LUZP2: variants seen among roughly 807,000 people sequenced by gnomAD.
LUZP2 encodes leucine zipper protein 2.
In LUZP2, 52 loss-of-function variants were observed where a neutral mutation model predicts 51.6. The ratio of observed to expected loss-of-function variants is 1.01; its 90% CI spans 0.81 to 1.27. The LOEUF is 1.27. LUZP2 is among the 50% of genes most tolerant of loss of function. The pLI is 0.00. For synonymous variants in LUZP2, 154 were observed against 137.3 expected (o/e 1.12, Z -0.85); for missense variants, 436 against 395.4 (o/e 1.10, Z -0.87).
intron 5 of LUZP2, among the ~76,000 whole-genome samples, chr11:24,868,307 C>A (rs565448120): frequency 1.3e-5 from 2 of 150,286 alleles, no homozygotes; most frequent in African/African-American, 4.9e-5. Context: ...CAAACCTCAC[C>A]TCATTAGTTC....
chr11:24,724,803 A>C (rs1590402998), intron 1 of LUZP2, among the ~76,000 whole-genome samples: 1 of 152,338 alleles, frequency 6.6e-6, no homozygotes, highest in African/African-American at 2.4e-5. Context: ...GACAACTAAT[A>C]AAGATGTTCA....
At position 24,904,618 on chromosome 11, in the gene LUZP2, T is replaced by C. The variant is rs150195279; in HGVS notation, c.397-1373T>C. 7.2e-3 allele frequency among the ~76,000 whole-genome samples: 1,095 copies of C among 152,284 alleles called. 11 individuals carry two copies. The highest frequency in any genetic ancestry group is 0.025 in the African/African-American group (1,022 of 41,550). ...ATTTTTGATAAATCATATTATTTGCTTTTTGCTTTTGATTTGTGTTCTTGG... is the reference window on the plus strand; with the variant it reads ...ATTTTTGATAAATCATATTATTTGCCTTTTGCTTTTGATTTGTGTTCTTGG... On this transcript the variant is annotated intron_variant, in intron 5 of 11. Transcript: ENST00000336930.
At chr11:25,032,190 A>T (rs1857710321) in intron 9 of LUZP2, among the ~76,000 whole-genome samples, 1 of 152,156 alleles carries the variant, frequency 6.6e-6, no homozygotes, top group South Asian at 2.1e-4. Context: ...TTTCTGGGCC[A>T]CCTTGATTTT....
chr11:24,967,604 A>T (rs1409794743), intron 7 of LUZP2, among the ~76,000 whole-genome samples: 1 of 151,898 alleles, frequency 6.6e-6, no homozygotes, highest in Non-Finnish European at 1.5e-5. Flanking sequence ...CTTCAGAATG[A>T]ATCATTTCTA....
At chr11:24,907,434 T>C (rs1386606486) in intron 6 of LUZP2, among the ~76,000 whole-genome samples, 1 of 152,146 alleles carries the variant, frequency 6.6e-6, no homozygotes, top group Non-Finnish European at 1.5e-5. Flanking sequence ...AAGATGATGT[T>C]CCATAGGATG....
At position 24,782,846 on chromosome 11, in the gene LUZP2, C is replaced by G. The variant is rs191842442; in HGVS notation, c.396+19538C>G. 1.6e-4 allele frequency among the ~76,000 whole-genome samples: 24 copies of G among 152,088 alleles called. No individual in the cohort carries two copies. In the East Asian group the frequency reaches 1.9e-3, roughly 12 times the overall value. On this transcript the variant is annotated intron_variant, in intron 5 of 11. Transcript: ENST00000336930. ...TGTAATTTCACTTCTTAATGACAAG[C>G]CTTTTATATACATAATTTCAGTTAT...
chr11:25,077,241 A>G, intron 10 of LUZP2, 88 bp from the exon 11 acceptor site: 2 of 971,942 alleles, frequency 2.1e-6, no homozygotes, highest in Non-Finnish European at 1.6e-6. Flanking sequence ...TCTTCTCAAC[A>G]GGAAGAATTC....
intron 9 of LUZP2, among the ~76,000 whole-genome samples, chr11:25,036,948 T>C (rs1457114415): frequency 6.6e-6 from 1 of 152,144 alleles, no homozygotes. Flanking sequence ...GAGTGGAGTA[T>C]TGTGTAGATG....
At chr11:24,786,634 T>C (rs1164595531) in intron 5 of LUZP2, 1 of 165,452 alleles carries the variant, frequency 6.0e-6, no homozygotes, top group African/African-American at 2.4e-5. Context: ...TATGCATTTA[T>C]ATATTATATA....
At chr11:24,643,901 G>A (rs1218063386) in intron 1 of LUZP2, among the ~76,000 whole-genome samples, 4 of 152,116 alleles carry the variant, frequency 2.6e-5, no homozygotes, top group African/African-American at 9.7e-5. Context: ...CTAATTAATA[G>A]AGTATTCTTC....
intron 5 of LUZP2, among the ~76,000 whole-genome samples, chr11:24,887,370 AG>A (rs1852702474): frequency 6.6e-6 from 1 of 152,214 alleles, no homozygotes; most frequent in African/African-American, 2.4e-5. Context: ...TCAGACAGAG[AG>A]ACAGCAAGCA....
chr11:25,035,151 C>G (rs2133997225), intron 9 of LUZP2, among the ~76,000 whole-genome samples: 1 of 152,200 alleles, frequency 6.6e-6, no homozygotes. Flanking sequence ...ATTCTCACCA[C>G]TGATATGCAA....
At chr11:24,996,588 TTTTATTTTATTTTA>T in intron 9 of LUZP2, among the ~76,000 whole-genome samples, 1 of 10,278 alleles carries the variant, frequency 9.7e-5, no homozygotes, top group East Asian at 0.019. Context: ...TTTTATTTTA[TTTTATTTTATTTTA>T]TTTTATTTTA....
At chr11:24,742,036 A>T (rs1859196171) in intron 4 of LUZP2, among the ~76,000 whole-genome samples, 1 of 122,202 alleles carries the variant, frequency 8.2e-6, no homozygotes, top group African/African-American at 3.4e-5. Context: ...TTTATATATA[A>T]ATACATAAAA....
At chr11:24,964,769 G>A (rs1351272767) in intron 7 of LUZP2, among the ~76,000 whole-genome samples, 1 of 151,832 alleles carries the variant, frequency 6.6e-6, no homozygotes, top group East Asian at 1.9e-4. Context: ...AGAAATATTA[G>A]ATGCTTCTAG....
At chr11:24,515,062 G>T (rs1049331221) in intron 1 of LUZP2, among the ~76,000 whole-genome samples, 2 of 152,268 alleles carry the variant, frequency 1.3e-5, no homozygotes, top group South Asian at 2.1e-4. Flanking sequence ...ACGCTAGAAG[G>T]TCTATTATTT....
chr11:24,526,926 G>C (rs9665858), intron 1 of LUZP2, among the ~76,000 whole-genome samples: 7,027 of 151,324 alleles, frequency 0.046, 550 homozygotes, highest in African/African-American at 0.16. Context: ...GCACTCTAAG[G>C]GGTCTTAAAC....
chr11:24,890,654 G>T (rs542581007), intron 5 of LUZP2, among the ~76,000 whole-genome samples: 21 of 152,050 alleles, frequency 1.4e-4, no homozygotes, highest in South Asian at 1.2e-3. Context: ...CTACCTACTG[G>T]CATCAAAAAA....
At chr11:25,033,168 G>A (rs1049421751) in intron 9 of LUZP2, among the ~76,000 whole-genome samples, 7 of 152,296 alleles carry the variant, frequency 4.6e-5, no homozygotes, top group Middle Eastern at 3.4e-3. Flanking sequence ...GACAAATGGT[G>A]CATGTGTTTT....
Sources: gnomAD v4.1 joint callset for allele counts (sites outside exome capture counted in the v4.1 genomes callset) on GRCh38, gnomAD v4.1.1 for gene constraint, MANE v1.5 for transcripts, NCBI Gene and HGNC (gene_info 2026-07-23, HGNC 2026-07-21) for gene names.